Variants in DLG2 observed in about 807,000 individuals in gnomAD.
DLG2 encodes the protein discs large MAGUK scaffold protein 2.
A neutral mutation model predicts 132.5 loss-of-function variants in DLG2; 45 were observed. That is an observed-to-expected ratio of 0.34 (90% CI 0.27 to 0.44). DLG2 has a LOEUF of 0.44. DLG2 is among the 20% of genes least tolerant of loss of function. DLG2 has a pLI of 1.00. For synonymous variants in DLG2, 424 were observed against 419.6 expected, an observed-to-expected ratio of 1.01 and a Z score of -0.13; for missense variants, 1,045 against 1,196.9, an observed-to-expected ratio of 0.87 and a Z score of 1.87.
chr11:83,947,968 G>T (rs2084481539), intron 14 of DLG2, among the ~76,000 whole-genome samples: 1 of 152,098 alleles, frequency 6.6e-6, no homozygotes, highest in African/African-American at 2.4e-5. Context: ...AAAGTCATAG[G>T]AATTAAAATG....
chr11:83,814,358 A>G (rs369189043), intron 17 of DLG2, among the ~76,000 whole-genome samples: 18 of 152,280 alleles, frequency 1.2e-4, no homozygotes, highest in African/African-American at 4.3e-4. Context: ...CCTATTTCCT[A>G]TTTTTAGGAA....
chr11:84,989,377 T>C (rs1240575316), intron 6 of DLG2, among the ~76,000 whole-genome samples: 1 of 152,142 alleles, frequency 6.6e-6, no homozygotes, highest in African/African-American at 2.4e-5. Flanking sequence ...GGTTTCACCA[T>C]GTTGGCCGGG....
intron 6 of DLG2, among the ~76,000 whole-genome samples, chr11:84,847,353 G>A (rs1943712): frequency 0.45 from 68,158 of 151,850 alleles, 15,902 homozygotes; most frequent in African/African-American, 0.53. Context: ...AACATGAAAA[G>A]TAGAAAATAT....
At chr11:85,613,004 G>A (rs1422175323) in intron 2 of DLG2, among the ~76,000 whole-genome samples, 1 of 152,208 alleles carries the variant, frequency 6.6e-6, no homozygotes, top group African/African-American at 2.4e-5. Context: ...CTTAGGGGTA[G>A]AGTGTTGTTT....
intron 6 of DLG2, among the ~76,000 whole-genome samples, chr11:84,718,780 C>T: frequency 6.6e-6 from 1 of 152,158 alleles, no homozygotes; most frequent in African/African-American, 2.4e-5. Context: ...GGGAGAGAAC[C>T]TAACTCCTTA....
intron 7 of DLG2, chr11:84,273,055 TG>T: frequency 1.9e-6 from 2 of 1,075,642 alleles, no homozygotes; most frequent in Non-Finnish European, 2.5e-6. Context: ...GATCATCAAA[TG>T]CACAGAATTT....
chr11:85,130,507 AC>A (rs1566909327), intron 5 of DLG2, among the ~76,000 whole-genome samples: 1 of 152,210 alleles, frequency 6.6e-6, no homozygotes, highest in African/African-American at 2.4e-5. Context: ...TTTTCCTGCC[AC>A]TAAAAACTTG....
intron 8 of DLG2, among the ~76,000 whole-genome samples, chr11:84,186,679 A>G (rs2096283065): frequency 6.6e-6 from 1 of 151,874 alleles, no homozygotes; most frequent in African/African-American, 2.4e-5. Flanking sequence ...CACTCCTCCT[A>G]TCTAGATTGC....
intron 8 of DLG2, among the ~76,000 whole-genome samples, chr11:84,216,712 C>T (rs2096840338): frequency 6.6e-6 from 1 of 152,088 alleles, no homozygotes; most frequent in African/African-American, 2.4e-5. Flanking sequence ...TTAATACTAG[C>T]AATTGGTGGA....
intron 3 of DLG2, among the ~76,000 whole-genome samples, chr11:85,519,042 C>A (rs2094225180): frequency 6.6e-6 from 1 of 152,142 alleles, no homozygotes; most frequent in Admixed American, 6.6e-5. Context: ...CACCCGGATA[C>A]CGAGACAGAA....
chr11:84,819,197 T>A (rs1469341350), intron 6 of DLG2, among the ~76,000 whole-genome samples: 1 of 151,790 alleles, frequency 6.6e-6, no homozygotes, highest in Non-Finnish European at 1.5e-5. Flanking sequence ...AGTCTCACAA[T>A]AGAAAGTATG....
chr11:85,525,637 AAAT>A (rs1345229929), intron 3 of DLG2, among the ~76,000 whole-genome samples: 1 of 152,220 alleles, frequency 6.6e-6, no homozygotes, highest in Non-Finnish European at 1.5e-5. Flanking sequence ...AAAATATATG[AAAT>A]AATAATTTTC....
intron 6 of DLG2, among the ~76,000 whole-genome samples, chr11:84,918,590 A>G (rs1485204989): frequency 6.6e-6 from 1 of 152,146 alleles, no homozygotes; most frequent in Non-Finnish European, 1.5e-5. Flanking sequence ...AGCATGATAA[A>G]TGTCTGAATT....
intron 7 of DLG2, among the ~76,000 whole-genome samples, chr11:84,483,124 ATG>A: frequency 6.6e-6 from 1 of 152,248 alleles, no homozygotes; most frequent in Non-Finnish European, 1.5e-5. Flanking sequence ...CGACATCTGC[ATG>A]TGATGATTAA....
intron 5 of DLG2, among the ~76,000 whole-genome samples, chr11:85,121,226 T>TA (rs1333473931): frequency 6.6e-6 from 1 of 151,900 alleles, no homozygotes; most frequent in Non-Finnish European, 1.5e-5. Context: ...GTATTCCACT[T>TA]AAAAAAATTA....
chr11:84,090,540 C>T (rs1055244827), intron 10 of DLG2, among the ~76,000 whole-genome samples: 1 of 151,568 alleles, frequency 6.6e-6, no homozygotes, highest in Non-Finnish European at 1.5e-5. Context: ...CAAGTAAATG[C>T]AAAGCAAAGC....
intron 6 of DLG2, among the ~76,000 whole-genome samples, chr11:84,537,251 C>T (rs1040247672): frequency 3.9e-5 from 6 of 152,154 alleles, no homozygotes; most frequent in East Asian, 3.9e-4. Flanking sequence ...GGACTACAGG[C>T]GGGCACCACC....
intron 3 of DLG2, among the ~76,000 whole-genome samples, chr11:85,583,116 G>C (rs35195959): frequency 2.0e-3 from 109 of 55,294 alleles, no homozygotes; most frequent in African/African-American, 6.3e-3. Context: ...GTGTGTGTGT[G>C]TGTGTGTGTG....
At chr11:83,987,100 A>T (rs1555229641) in intron 11 of DLG2, among the ~76,000 whole-genome samples, 1 of 152,100 alleles carries the variant, frequency 6.6e-6, no homozygotes, top group Non-Finnish European at 1.5e-5. Flanking sequence ...TTTTGTTGCC[A>T]TTGTTTTTGG....
Sources: allele counts gnomAD v4.1 joint callset (sites outside exome capture counted in the v4.1 genomes callset), GRCh38; gene constraint gnomAD v4.1.1; transcripts MANE v1.5; gene names NCBI Gene and HGNC (gene_info 2026-07-23, HGNC 2026-07-21).